Variants in ACTN3 observed in about 807,000 individuals in gnomAD.
ACTN3 encodes alpha-actinin-3.
A neutral mutation model predicts 119.6 loss-of-function variants in ACTN3; 91 were observed. The ratio of observed to expected loss-of-function variants is 0.76; its 90% CI spans 0.64 to 0.91. The LOEUF (loss-of-function observed/expected upper bound fraction) is 0.91. Among genes scored for constraint, ACTN3 ranks in the 40% least tolerant of loss-of-function variants. The pLI, the probability that ACTN3 is intolerant of heterozygous loss-of-function variation, is 0.00. For missense variants in ACTN3, 1,221 were observed against 1,215.1 expected (o/e 1.00, Z -0.07); for synonymous variants, 456 against 478.8 (o/e 0.95, Z 0.62).
At chr11:66,557,957 A>G in intron 10 of ACTN3, 28 bp downstream of exon 10, 2 of 1,613,252 alleles carry the variant, frequency 1.2e-6, no homozygotes, top group Non-Finnish European at 1.7e-6. Flanking sequence ...TCCCTAGGTG[A>G]CCTTGAGGTC....
At chr11:66,557,956 G>A in intron 10 of ACTN3, 27 bp downstream of exon 10, 1 of 1,613,202 alleles carries the variant, frequency 6.2e-7, no homozygotes, top group Non-Finnish European at 8.5e-7. Flanking sequence ...TTCCCTAGGT[G>A]ACCTTGAGGT....
Position 66,547,054 on chromosome 11 carries a change from G to T in ACTN3, c.117G>T (p.Leu39=). Residue 39 remains leucine (L), a synonymous_variant, in exon 1 of 21, where the codon CTG becomes CTT. Coordinates refer to ENST00000513398, the MANE Select transcript of ACTN3 (RefSeq NM_001104.4). ...AGGACTGGGACCGCGACCTGCTGCT[G>T]GACCCGGCCTGGGAGAAGCAGCAGC... The part of the protein sequence containing the change: ...QEEDWDRDLL[L]DPAWEKQQRK... 6.6e-7 allele frequency: 1 copy of T among 1,510,594 alleles called. No individual in the cohort carries two copies. Among genetic ancestry groups the T allele is most frequent in the Non-Finnish European group, 8.8e-7 (1 of 1,131,164 alleles). The allele number at this position is 1,510,594 out of a possible 1,614,324, so 93.6% of individuals were successfully genotyped here. A position where few individuals can be genotyped will look rare whatever the true frequency, so the allele number is the denominator to read the frequency against.
intron 1 of ACTN3, among the ~76,000 whole-genome samples, chr11:66,547,934 G>A (rs1030815928): frequency 6.6e-6 from 1 of 152,104 alleles, no homozygotes; most frequent in African/African-American, 2.4e-5. Context: ...CCAAGTAGAG[G>A]GGGCAGGACA....
Position 66,561,497 on chromosome 11 carries a change from G to A in ACTN3, c.2035G>A (p.Glu679Lys), listed in dbSNP as rs1268136969. 4.4e-6 allele frequency: 7 copies of A among 1,604,412 alleles called. No homozygotes were observed. Among genetic ancestry groups the A allele is most frequent in the Non-Finnish European group, 6.0e-6 (7 of 1,175,670 alleles). Reference protein sequence around the residue: ...RLAAGLAGSLEEQMAGLRQQE... With the variant: ...RLAAGLAGSLKEQMAGLRQQE... ...GGCAGCAGGGCTAGCTGGCTCTCTGGAGGAGCAGATGGCTGGGCTACGGCA... is the reference window on the plus strand; with the variant it reads ...GGCAGCAGGGCTAGCTGGCTCTCTGAAGGAGCAGATGGCTGGGCTACGGCA... Residue 679 changes from glutamate (E) to lysine (K), a missense_variant, in exon 17 of 21, where the codon GAG becomes AAG. Physicochemically the swap from Glu to Lys is moderately conservative, Grantham distance 56 (BLOSUM62 1). This residue lies in a region of ACTN3 where 934 missense variants were observed against 899.9 expected (regional missense o/e 1.04). Transcript: ENST00000513398.
chr11:66,562,251 C>T lies in ACTN3; in HGVS notation c.2323-6C>T. 6.2e-7 allele frequency: 1 copy of T among 1,613,846 alleles called. No homozygotes were observed. The highest frequency in any genetic ancestry group is 2.2e-5 in the East Asian group (1 of 44,870). On this transcript the variant is annotated splice_region_variant and splice_polypyrimidine_tract_variant and intron_variant, in intron 18 of 20. Transcript: ENST00000513398. ...ACCAAGCCTGATAACCACTCACCCCCTACAGAAGCAGAATGGGATGATGGA... is the reference window on the plus strand; with the variant it reads ...ACCAAGCCTGATAACCACTCACCCCTTACAGAAGCAGAATGGGATGATGGA...
rs553978060 is a variant in ACTN3, at chr11:66,557,347, A to G, written c.897+122A>G. 8.7e-5 allele frequency: 80 copies of G among 923,368 alleles called. 1 individual carries two copies. In the East Asian group the frequency reaches 1.2e-3, roughly 14 times the overall value. The allele number at this position is 923,368 out of a possible 1,614,324, so 57.2% of individuals were successfully genotyped here. ...CTCAGAGTAGCCCTGGCTTCCTCCCAGCCTCCTCCTGTCCATCCCCACCCA... is the reference window on the plus strand; with the variant it reads ...CTCAGAGTAGCCCTGGCTTCCTCCCGGCCTCCTCCTGTCCATCCCCACCCA... On this transcript the variant is annotated intron_variant, in intron 9 of 20. Coordinates refer to ENST00000513398, the MANE Select transcript of ACTN3 (RefSeq NM_001104.4).
At chr11:66,554,983 T>C (rs1449943694) in intron 5 of ACTN3, 147 bp from the exon 6 acceptor site, 4 of 705,472 alleles carry the variant, frequency 5.7e-6, no homozygotes, top group Non-Finnish European at 7.4e-6. Context: ...GATCTGGTCA[T>C]GAAGGGCCTC....
intron 15 of ACTN3, 45 bp from the exon 16 acceptor site, chr11:66,561,182 T>C (rs1857750376): frequency 2.0e-6 from 3 of 1,481,562 alleles, no homozygotes; most frequent in Non-Finnish European, 2.7e-6. Context: ...TAAAGCCATT[T>C]CCCAGCCCCC....
At chr11:66,546,700 G>A (rs992418985), upstream of ACTN3, 4 of 1,534,556 alleles carry the variant, frequency 2.6e-6, no homozygotes, top group East Asian at 2.4e-5. Context: ...AGCGGAGCAG[G>A]AATGCAAACC....
chr11:66,562,446 G>A, intron 19 of ACTN3, 124 bp downstream of exon 19: 1 of 1,157,486 alleles, frequency 8.6e-7, no homozygotes, highest in Non-Finnish European at 1.3e-6. Flanking sequence ...TCCACACAGG[G>A]GCTAGCAAGG....
At chr11:66,548,026 A>T (rs1857398052) in intron 1 of ACTN3, among the ~76,000 whole-genome samples, 1 of 152,186 alleles carries the variant, frequency 6.6e-6, no homozygotes, top group East Asian at 1.9e-4. Flanking sequence ...CCAGGAGGGC[A>T]CTATGAGGCC....
chr11:66,558,895 T>C (rs542861483), intron 11 of ACTN3: 11 of 256,822 alleles, frequency 4.3e-5, no homozygotes, highest in African/African-American at 2.0e-4. Context: ...CCATTCATTG[T>C]TCTGTCGAGG....
intron 1 of ACTN3, 37 bp downstream of exon 1, chr11:66,547,121 G>C (rs1050529244): frequency 6.8e-7 from 1 of 1,466,878 alleles, no homozygotes; most frequent in African/African-American, 1.4e-5. Flanking sequence ...CAAAACCGAG[G>C]CCTGAGAGGC....
Position 66,563,048 on chromosome 11 carries a change from C to T in ACTN3, c.2561C>T (p.Pro854Leu), listed in dbSNP as rs767579893. ...TCTTCTCCCCAGAACTACATCACCC[C>T]CGAGGAGCTGCGGCGCGAGCTCCCT... ...ILAGDKNYIT[P>L]EELRRELPAK... Residue 854 changes from proline (P) to leucine (L), a missense_variant, in exon 21 of 21, where the codon CCC (proline) becomes CTC (leucine). Pro to Leu is a moderately conservative substitution (Grantham distance 98). Transcript: ENST00000513398. 17 of 1,612,060 alleles carry T rather than the reference C, an allele frequency of 1.1e-5. No individual in the cohort carries two copies. Among genetic ancestry groups the T allele is most frequent in the Admixed American group, 5.0e-5 (3 of 59,892 alleles).
Position 66,560,231 on chromosome 11 carries a change from G to T in ACTN3, c.1597G>T (p.Ala533Ser), listed in dbSNP as rs761285728. ...GCAACTGGAGTTTGCCCGGCGGGCCGCGCCCTTCAACAACTGGCTGGATGG... is the reference window on the plus strand; with the variant it reads ...GCAACTGGAGTTTGCCCGGCGGGCCTCGCCCTTCAACAACTGGCTGGATGG... ...RLQLEFARRA[A>S]PFNNWLDGAV... Residue 533 changes from alanine to serine, a missense_variant, in exon 14 of 21, where the codon GCG (alanine) becomes TCG (serine). Physicochemically the swap from Ala to Ser is moderately conservative, Grantham distance 99. This residue lies in a region of ACTN3 where 934 missense variants were observed against 899.9 expected (regional missense o/e 1.04). Transcript: ENST00000513398. 3.7e-6 allele frequency: 6 copies of T among 1,612,266 alleles called. No homozygotes were observed. The highest frequency in any genetic ancestry group is 2.7e-5 in the African/African-American group (2 of 74,928).
At chr11:66,551,717 G>T in intron 3 of ACTN3, 70 bp downstream of exon 3, 2 of 1,586,096 alleles carry the variant, frequency 1.3e-6, no homozygotes, top group Non-Finnish European at 1.7e-6. Context: ...AATCACCTCT[G>T]TGAGCCTCAG....
In ACTN3 at chr11:66,557,948, C is replaced by A. The variant is rs1565307198; in HGVS notation, c.1128+19C>A. ...GGTCTCGGTGAGCTCTACACACATTCCCTAGGTGACCTTGAGGTCCGTATC... is the reference window on the plus strand; with the variant it reads ...GGTCTCGGTGAGCTCTACACACATTACCTAGGTGACCTTGAGGTCCGTATC... On this transcript the variant is annotated intron_variant, in intron 10 of 20. Transcript: ENST00000513398. 1 of 1,613,312 alleles carries A rather than the reference C, an allele frequency of 6.2e-7. No individual in the cohort carries two copies. The highest frequency in any genetic ancestry group is 8.5e-7 in the Non-Finnish European group (1 of 1,179,758).
At chr11:66,553,322 G>A (rs189705873) in intron 3 of ACTN3, among the ~76,000 whole-genome samples, 1 of 151,836 alleles carries the variant, frequency 6.6e-6, no homozygotes, top group Admixed American at 6.6e-5. Flanking sequence ...GGGAGGCTGA[G>A]GTGGGCAGAT....
At chr11:66,552,034 C>T (rs921251891) in intron 3 of ACTN3, among the ~76,000 whole-genome samples, 15 of 151,618 alleles carry the variant, frequency 9.9e-5, no homozygotes, top group African/African-American at 3.6e-4. Context: ...CGAGATCACA[C>T]CACTGCACTC....
Sources: allele counts gnomAD v4.1 joint callset (sites outside exome capture counted in the v4.1 genomes callset), GRCh38; gene constraint gnomAD v4.1.1; regional missense constraint gnomAD v4.1.1; transcripts MANE v1.5; gene names NCBI Gene and HGNC (gene_info 2026-07-23, HGNC 2026-07-21).